The following SLC16A5 variants were observed in gnomAD, a reference collection of about 807,000 sequenced individuals.
SLC16A5 encodes solute carrier family 16 member 5.
Under a neutral mutation model 33.2 loss-of-function variants are expected in SLC16A5, and 29 were observed. The observed-to-expected ratio is 0.87, with a 90% CI of 0.65 to 1.19. SLC16A5 has a LOEUF of 1.19. Among genes scored for constraint, SLC16A5 ranks in the 50% most tolerant of loss-of-function variants. SLC16A5 has a pLI of 0.00. For missense variants in SLC16A5, 606 were observed against 678.2 expected (o/e 0.89, Z 1.18); for synonymous variants, 248 against 284.1 (o/e 0.87, Z 1.28).
chr17:75,104,428 T>G, intron 6 of SLC16A5: 1 of 1,278,668 alleles, frequency 7.8e-7, no homozygotes, highest in South Asian at 1.8e-5. Flanking sequence ...TTTTTTTTTT[T>G]TTTTTTTTGA....
chr17:75,093,430 C>T (rs770548420), intron 2 of SLC16A5, 159 bp from the exon 3 acceptor site: 146 of 1,535,816 alleles, frequency 9.5e-5, no homozygotes, highest in East Asian at 2.0e-4. Flanking sequence ...AAGGCCAACG[C>T]GTGGGCCTCT....
chr17:75,093,891 C>T (rs1461594724), intron 3 of SLC16A5, 56 bp downstream of exon 3: 1 of 1,572,870 alleles, frequency 6.4e-7, no homozygotes, highest in East Asian at 2.2e-5. Context: ...GGGGAAGCCA[C>T]AACCTCCCTG....
At chr17:75,088,990 G>A (rs921809491) in intron 1 of SLC16A5, 161 bp from the exon 2 acceptor site, 9 of 152,224 alleles carry the variant, frequency 5.9e-5, no homozygotes, top group Admixed American at 5.9e-4. Flanking sequence ...GTGCTACAAA[G>A]CTGGTCTCAT....
At position 75,100,265 on chromosome 17, in the gene SLC16A5, A is replaced by G. The variant is rs1361188822; in HGVS notation, c.602A>G (p.Lys201Arg). The change falls in exon 5 of 7, where the codon AAA (lysine) becomes AGA (arginine). Residue 201 changes from lysine to arginine, a missense_variant. By Grantham distance (26) the Lys-to-Arg change is conservative. Transcript: ENST00000329783. ...PVATSVAPETKECPPPPPETP... is the reference protein window; with the variant it reads ...PVATSVAPETRECPPPPPETP... Reference sequence around the variant, plus strand: ...GCCACCAGTGTGGCCCCTGAGACCAAAGAATGTCCCCCGCCACCTCCCGAG... The same window carrying G: ...GCCACCAGTGTGGCCCCTGAGACCAGAGAATGTCCCCCGCCACCTCCCGAG... 1 of 1,614,016 alleles carries G rather than the reference A, an allele frequency of 6.2e-7. No individual in the cohort carries two copies. Among genetic ancestry groups the G allele is most frequent in the Non-Finnish European group, 8.5e-7 (1 of 1,180,020 alleles).
chr17:75,105,908 G>C lies in SLC16A5; in HGVS notation c.1393G>C (p.Ala465Pro). 6.2e-7 allele frequency: 1 copy of C among 1,608,274 alleles called. No individual in the cohort carries two copies. Among genetic ancestry groups the C allele is most frequent in the South Asian group, 1.1e-5 (1 of 90,590 alleles). Reference sequence around the variant, plus strand: ...CCAGTCTTCCCGCCAGCCACGTCCAGCTGGCGTCAATAAGCATCTTTGGGG... The same window carrying C: ...CCAGTCTTCCCGCCAGCCACGTCCACCTGGCGTCAATAAGCATCTTTGGGG... ...MCQSSRQPRPAGVNKHLWGCP... is the reference protein window; with the variant it reads ...MCQSSRQPRPPGVNKHLWGCP... The change falls in exon 7 of 7, where the codon GCT (alanine) becomes CCT (proline). Residue 465 changes from alanine (A) to proline (P), a missense_variant. By Grantham distance (27) the Ala-to-Pro change is conservative. Coordinates refer to ENST00000329783, the MANE Select transcript of SLC16A5 (RefSeq NM_004695.4).
At chr17:75,093,382 G>T in intron 2 of SLC16A5, 1 of 1,534,330 alleles carries the variant, frequency 6.5e-7, no homozygotes, top group Non-Finnish European at 8.7e-7. Flanking sequence ...GCCACCTCCT[G>T]CCAGGCTGGC....
Position 75,100,615 on chromosome 17 carries a change from A to G in SLC16A5, c.952A>G (p.Thr318Ala). Residue 318 changes from threonine to alanine, a missense_variant, in exon 5 of 7, where the codon ACT becomes GCT. Thr to Ala is a moderately conservative substitution (Grantham distance 58, BLOSUM62 0). Coordinates refer to ENST00000329783, the MANE Select transcript of SLC16A5 (RefSeq NM_004695.4). ...FSLALLLNGL[T>A]NLVCAASGDF... is the part of the protein sequence containing the mutation. ...CCTGGCACTCCTGCTCAATGGGCTC[A>G]CTAACCTGGTGTGTGCGGCATCAGG... is the stretch of plus-strand genomic sequence containing the variant. 6.2e-7 allele frequency: 1 copy of G among 1,614,222 alleles called. No homozygotes were observed. Among genetic ancestry groups the G allele is most frequent in the Non-Finnish European group, 8.5e-7 (1 of 1,180,034 alleles).
At chr17:75,098,565 CA>C (rs370060662) in intron 4 of SLC16A5, among the ~76,000 whole-genome samples, 6 of 152,034 alleles carry the variant, frequency 3.9e-5, no homozygotes, top group Non-Finnish European at 7.4e-5. Context: ...CTCAAAAACA[CA>C]AAAAACAAAG....
At chr17:75,091,256 CG>C (rs2144988673) in intron 2 of SLC16A5, among the ~76,000 whole-genome samples, 1 of 152,236 alleles carries the variant, frequency 6.6e-6, no homozygotes, top group South Asian at 2.1e-4. Context: ...ACCTTGACAT[CG>C]GGGCAACACA....
chr17:75,107,215 C>T (rs2073870306), downstream of SLC16A5, among the ~76,000 whole-genome samples: 1 of 150,960 alleles, frequency 6.6e-6, no homozygotes, highest in African/African-American at 2.4e-5. Flanking sequence ...TGGGAGGATC[C>T]CTTGAGCCAA....
chr17:75,092,027 G>GT (rs57810050), intron 2 of SLC16A5, among the ~76,000 whole-genome samples: 19,740 of 92,840 alleles, frequency 0.21, 2,588 homozygotes, highest in African/African-American at 0.41. Context: ...GATGTGAGGG[G>GT]GGTGTGTGTG....
intron 2 of SLC16A5, among the ~76,000 whole-genome samples, chr17:75,092,751 T>G (rs1568004023): frequency 6.6e-6 from 1 of 151,936 alleles, no homozygotes; most frequent in Non-Finnish European, 1.5e-5. Context: ...TTTCTGTGCT[T>G]GTCTGTGTGA....
At chr17:75,100,884 C>A in intron 5 of SLC16A5, 68 bp downstream of exon 5, 1 of 1,380,206 alleles carries the variant, frequency 7.2e-7, no homozygotes, top group Non-Finnish European at 9.7e-7. Flanking sequence ...CAGATCTGGG[C>A]CCAGTCCAGC....
chr17:75,088,602 C>T (rs1265145606), intron 1 of SLC16A5, among the ~76,000 whole-genome samples: 1 of 152,112 alleles, frequency 6.6e-6, no homozygotes, highest in Non-Finnish European at 1.5e-5. Flanking sequence ...GACGGGAGCC[C>T]TTCTGCTGCC....
At chr17:75,097,973 C>G in intron 3 of SLC16A5, 65 bp from the exon 4 acceptor site, 2 of 1,496,936 alleles carry the variant, frequency 1.3e-6, no homozygotes, top group African/African-American at 1.7e-5. Context: ...CCCTCTCCAG[C>G]CACTCTCCTC....
intron 5 of SLC16A5, among the ~76,000 whole-genome samples, chr17:75,102,906 T>C (rs951392070): frequency 1.3e-5 from 2 of 151,948 alleles, no homozygotes; most frequent in African/African-American, 4.8e-5. Context: ...TAATTTTTTT[T>C]TTTGAGACAG....
At chr17:75,105,553 C>G in intron 6 of SLC16A5, 1 of 985,386 alleles carries the variant, frequency 1.0e-6, no homozygotes, top group Non-Finnish European at 1.2e-6. Flanking sequence ...GCGGTCCAAG[C>G]TCCCCACACA....
upstream of SLC16A5, chr17:75,087,818 A>C (rs1298404814): frequency 6.6e-6 from 1 of 152,612 alleles, no homozygotes; most frequent in Non-Finnish European, 1.5e-5. Context: ...CTGCTGCTGG[A>C]CTGTCCCCGG....
At chr17:75,106,512 G>A (rs547772163), downstream of SLC16A5, among the ~76,000 whole-genome samples, 1 of 151,948 alleles carries the variant, frequency 6.6e-6, no homozygotes, top group South Asian at 2.1e-4. Context: ...CAGCTACTCG[G>A]GAGGTTGAGG....
Sources: gnomAD v4.1 joint callset for allele counts (sites outside exome capture counted in the v4.1 genomes callset) on GRCh38, gnomAD v4.1.1 for gene constraint, MANE v1.5 for transcripts, NCBI Gene and HGNC (gene_info 2026-07-23, HGNC 2026-07-21) for gene names.